Variants in COL25A1 observed in about 807,000 individuals in gnomAD.
The protein encoded by COL25A1 is collagen type XXV alpha 1 chain.
Under a neutral mutation model 128.4 loss-of-function variants are expected in COL25A1, and 103 were observed. The observed-to-expected ratio is 0.80, with a 90% confidence interval of 0.68 to 0.94. The LOEUF is 0.94. Among genes scored for constraint, COL25A1 ranks in the 40% least tolerant of loss-of-function variants. The probability of loss-of-function intolerance (pLI) is 0.00; values close to 1 mark genes in which losing one functional copy is unlikely to be tolerated. For missense variants in COL25A1, 745 were observed against 840.0 expected, an observed-to-expected ratio of 0.89 and a Z score of 1.40; for synonymous variants, 279 against 277.2, an observed-to-expected ratio of 1.01 and a Z score of -0.06.
At chr4:108,889,192 T>C in intron 18 of COL25A1, 29 bp downstream of exon 18, 1 of 1,596,726 alleles carries the variant, frequency 6.3e-7, no homozygotes, top group South Asian at 1.1e-5. Context: ...TATGAGACAG[T>C]AGGAACACAC....
intron 3 of COL25A1, among the ~76,000 whole-genome samples, chr4:109,067,140 G>A (rs980295006): frequency 7.2e-5 from 11 of 152,010 alleles, no homozygotes; most frequent in African/African-American, 2.2e-4. Flanking sequence ...GTGAACTAAC[G>A]GTCCCAAGAG....
chr4:109,260,504 G>GT lies in COL25A1; in HGVS notation c.367+40078dup, dbSNP rs1025771846. Among the ~76,000 whole-genome samples, 372 of 150,938 alleles carry GT rather than the reference G, an allele frequency of 2.5e-3. 2 individuals carry two copies. The highest frequency in any genetic ancestry group is 6.7e-3 in the African/African-American group (276 of 41,156). ...TGTTTGGTTGGTTGGTTTTTTGTTT[G>GT]TTTTTTTTTGAGGCGGAGTCTCTCT... On this transcript the variant is annotated intron_variant, in intron 3 of 37. Transcript: ENST00000399132.
At chr4:109,295,163 A>G (rs1724852334) in intron 3 of COL25A1, among the ~76,000 whole-genome samples, 1 of 152,100 alleles carries the variant, frequency 6.6e-6, no homozygotes, top group Non-Finnish European at 1.5e-5. Context: ...TAAGGTAAGA[A>G]AGAGAAAAGA....
At chr4:109,216,825 C>A (rs978477580) in intron 3 of COL25A1, among the ~76,000 whole-genome samples, 13 of 151,964 alleles carry the variant, frequency 8.6e-5, no homozygotes, top group Admixed American at 5.9e-4. Context: ...TACAACTGGG[C>A]ACAATAAAAG....
chr4:108,901,919 A>G (rs1742894508), intron 13 of COL25A1, among the ~76,000 whole-genome samples: 1 of 152,068 alleles, frequency 6.6e-6, no homozygotes, highest in Non-Finnish European at 1.5e-5. Flanking sequence ...AGAAACAAGG[A>G]AAAGATACTT....
Position 109,082,899 on chromosome 4 carries a change from A to T in COL25A1, c.368-32720T>A, listed in dbSNP as rs1001152514. 3.9e-4 allele frequency among the ~76,000 whole-genome samples: 59 copies of T among 152,158 alleles called. 1 individual carries two copies. Among genetic ancestry groups the T allele is most frequent in the Non-Finnish European group, 1.0e-4 (7 of 68,016 alleles). On this transcript the variant is annotated intron_variant, in intron 3 of 37. Transcript: ENST00000399132. The stretch of plus-strand genomic sequence containing the variant: ...AGCCTAATACCCAATAGTTAATAGA[A>T]ACTGATATTTTGAACAAAATAATGC...
chr4:109,160,937 T>C (rs1462723294), intron 3 of COL25A1, among the ~76,000 whole-genome samples: 1 of 152,202 alleles, frequency 6.6e-6, no homozygotes, highest in African/African-American at 2.4e-5. Flanking sequence ...TTGAATATTG[T>C]TAGACTCTGT....
At chr4:109,202,157 T>G (rs1776602568) in intron 3 of COL25A1, among the ~76,000 whole-genome samples, 2 of 152,082 alleles carry the variant, frequency 1.3e-5, no homozygotes, top group African/African-American at 4.8e-5. Flanking sequence ...AGACCCAGAA[T>G]AGTCAACACA....
intron 16 of COL25A1, 95 bp downstream of exon 16, chr4:108,896,572 C>T: frequency 1.0e-6 from 1 of 983,690 alleles, no homozygotes; most frequent in Non-Finnish European, 1.6e-6. Context: ...TATTAAGCAA[C>T]TCTCACTCAT....
intron 8 of COL25A1, among the ~76,000 whole-genome samples, chr4:108,949,941 C>T (rs1749212242): frequency 1.3e-5 from 2 of 152,140 alleles, no homozygotes; most frequent in East Asian, 1.9e-4. Context: ...AATATTTGGA[C>T]ATTGGGATTA....
intron 6 of COL25A1, among the ~76,000 whole-genome samples, chr4:108,984,540 C>T (rs540933484): frequency 6.2e-4 from 94 of 152,282 alleles, no homozygotes; most frequent in Non-Finnish European, 9.0e-4. Flanking sequence ...CCCTGCCCCG[C>T]GGGAAGGCAG....
At chr4:108,995,298 T>C (rs1410183540) in intron 6 of COL25A1, among the ~76,000 whole-genome samples, 3 of 152,154 alleles carry the variant, frequency 2.0e-5, no homozygotes, top group Non-Finnish European at 2.9e-5. Flanking sequence ...CTGAAAACCA[T>C]GGCACAAGAA....
chr4:108,883,386 T>C (rs1385404089), intron 19 of COL25A1, among the ~76,000 whole-genome samples: 1 of 149,520 alleles, frequency 6.7e-6, no homozygotes, highest in Non-Finnish European at 1.5e-5. Flanking sequence ...CTTTGTAAGA[T>C]GAGAACAACA....
At chr4:108,900,424 A>G (rs1742697710) in intron 14 of COL25A1, among the ~76,000 whole-genome samples, 1 of 152,180 alleles carries the variant, frequency 6.6e-6, no homozygotes, top group African/African-American at 2.4e-5. Context: ...ACGAATACAC[A>G]CCAGCACAGC....
chr4:109,104,630 G>A (rs2126027666), intron 3 of COL25A1, among the ~76,000 whole-genome samples: 1 of 151,984 alleles, frequency 6.6e-6, no homozygotes, highest in East Asian at 1.9e-4. Context: ...AAGGAACAGG[G>A]GAACACATTA....
chr4:108,892,815 G>A (rs1284990153), intron 16 of COL25A1, among the ~76,000 whole-genome samples: 1 of 152,184 alleles, frequency 6.6e-6, no homozygotes, highest in Non-Finnish European at 1.5e-5. Context: ...ACCTAATCCA[G>A]AGGAGACTGA....
At chr4:109,288,133 A>G (rs982494114) in intron 3 of COL25A1, among the ~76,000 whole-genome samples, 3 of 152,164 alleles carry the variant, frequency 2.0e-5, no homozygotes, top group Non-Finnish European at 4.4e-5. Context: ...TCTACAGATG[A>G]ATGGTTTCTC....
At position 109,301,925 on chromosome 4, in the gene COL25A1, G is replaced by A; in HGVS notation, c.95C>T (p.Pro32Leu). 1 of 1,614,036 alleles carries A rather than the reference G, an allele frequency of 6.2e-7. No homozygotes were observed. ...GAGGGCCGCCAGGACGGCACACGGGGGCATGGTCCGGGCACAATGCTGTTC... is the reference window on the plus strand; with the variant it reads ...GAGGGCCGCCAGGACGGCACACGGGAGCATGGTCCGGGCACAATGCTGTTC... ...PAEQHCARTMPPCAVLAALLS... is the reference protein window; with the variant it reads ...PAEQHCARTMLPCAVLAALLS... Residue 32 changes from proline (P) to leucine (L), a missense_variant, in exon 2 of 38, where the codon CCC (proline) becomes CTC (leucine). Pro to Leu is a moderately conservative substitution (Grantham distance 98). This residue lies in a region of COL25A1 where 319 missense variants were observed against 324.9 expected (regional missense o/e 0.98). Coordinates refer to ENST00000399132, the MANE Select transcript of COL25A1 (RefSeq NM_198721.4).
At chr4:108,926,758 T>C (rs1219722353) in intron 11 of COL25A1, among the ~76,000 whole-genome samples, 1 of 151,806 alleles carries the variant, frequency 6.6e-6, no homozygotes, top group Non-Finnish European at 1.5e-5. Context: ...AAATGCCATG[T>C]TCTGCTTGGA....
Sources: gnomAD v4.1 joint callset for allele counts (sites outside exome capture counted in the v4.1 genomes callset) on GRCh38, gnomAD v4.1.1 for gene constraint, gnomAD v4.1.1 regional missense constraint, MANE v1.5 for transcripts, NCBI Gene and HGNC (gene_info 2026-07-23, HGNC 2026-07-21) for gene names.